The following ULK4 variants were observed in gnomAD, a reference collection of about 807,000 sequenced individuals.
ULK4 encodes unc-51 like kinase 4, also known as inactive serine/threonine-protein kinase ULK4.
ULK4 carries 133 observed loss-of-function variants against 160.6 expected under a neutral mutation model. That is an observed-to-expected ratio of 0.83 (90% CI 0.72 to 0.96). ULK4 has a LOEUF of 0.96. Among genes scored for constraint, ULK4 ranks in the 40% least tolerant of loss-of-function variants. ULK4 has a pLI of 0.00. For missense variants in ULK4, 1,580 were observed against 1,499.5 expected, an observed-to-expected ratio of 1.05 and a Z score of -0.89; for synonymous variants, 534 against 539.8, an observed-to-expected ratio of 0.99 and a Z score of 0.15.
At chr3:41,800,556 T>C (rs781537859) in intron 19 of ULK4, among the ~76,000 whole-genome samples, 1 of 152,180 alleles carries the variant, frequency 6.6e-6, no homozygotes, top group East Asian at 1.9e-4. Context: ...CACATGAAGG[T>C]TGCAGTGAGC....
intron 32 of ULK4, among the ~76,000 whole-genome samples, chr3:41,553,148 T>C (rs2087140396): frequency 6.6e-6 from 1 of 151,832 alleles, no homozygotes; most frequent in African/African-American, 2.4e-5. Flanking sequence ...ACCATAATAT[T>C]ACTAGAAAAA....
chr3:41,862,672 T>C (rs1390536052), intron 17 of ULK4, among the ~76,000 whole-genome samples: 1 of 152,184 alleles, frequency 6.6e-6, no homozygotes, highest in Non-Finnish European at 1.5e-5. Flanking sequence ...TTGATGGTCT[T>C]AGATGAGATC....
chr3:41,860,328 A>G (rs1411584630), intron 17 of ULK4, among the ~76,000 whole-genome samples: 1 of 152,060 alleles, frequency 6.6e-6, no homozygotes, highest in Non-Finnish European at 1.5e-5. Flanking sequence ...TGGGGTTTGA[A>G]GTCTCCAGCC....
intron 17 of ULK4, among the ~76,000 whole-genome samples, chr3:41,864,246 T>C (rs887748599): frequency 2.0e-4 from 30 of 152,130 alleles, no homozygotes; most frequent in Admixed American, 8.5e-4. Flanking sequence ...GTTCAGTGCC[T>C]CACAATTGCT....
At chr3:41,334,548 G>T (rs1259471657) in intron 35 of ULK4, among the ~76,000 whole-genome samples, 2 of 152,116 alleles carry the variant, frequency 1.3e-5, no homozygotes, top group African/African-American at 4.8e-5. Context: ...TATATAAAAA[G>T]TGAGCCACAG....
chr3:41,493,103 A>C lies in ULK4; in HGVS notation c.3227-29850T>G, dbSNP rs2084851803. Reference sequence around the variant, plus strand: ...CTAATAGACATCTACAGAACTCTCTACCCCAAATCAACAGAATATACATTT... The same window carrying C: ...CTAATAGACATCTACAGAACTCTCTCCCCCAAATCAACAGAATATACATTT... On this transcript the variant is annotated intron_variant, in intron 32 of 36. Coordinates refer to ENST00000301831, the MANE Select transcript of ULK4 (RefSeq NM_017886.4). Among the ~76,000 whole-genome samples the C allele has an allele frequency of 2.6e-5, 3 of 113,448 alleles. No homozygotes were observed. In the Admixed American group the frequency reaches 2.9e-4, roughly 11 times the overall value. The allele number at this position is 113,448 out of a possible 152,430, so 74.4% of individuals were successfully genotyped here. A position where few individuals can be genotyped will look rare whatever the true frequency, so the allele number is the denominator to read the frequency against.
chr3:41,824,278 G>C (rs572751878), intron 18 of ULK4, among the ~76,000 whole-genome samples: 1 of 152,008 alleles, frequency 6.6e-6, no homozygotes, highest in Non-Finnish European at 1.5e-5. Context: ...TCCAACTGAG[G>C]TACCAGGTTC....
intron 8 of ULK4, among the ~76,000 whole-genome samples, chr3:41,915,101 A>G (rs1377190993): frequency 6.6e-6 from 1 of 152,158 alleles, no homozygotes; most frequent in Non-Finnish European, 1.5e-5. Context: ...GCATACAGTT[A>G]TAAATGTAGG....
At chr3:41,954,915 G>A (rs1450658882) in intron 1 of ULK4, 108 bp from the exon 2 acceptor site, 4 of 681,060 alleles carry the variant, frequency 5.9e-6, no homozygotes, top group South Asian at 5.4e-5. Context: ...CTAGCAAATC[G>A]ACAAATTCAG....
At chr3:41,701,202 C>A (rs1006676099) in intron 27 of ULK4, among the ~76,000 whole-genome samples, 33 of 152,170 alleles carry the variant, frequency 2.2e-4, no homozygotes, top group African/African-American at 7.9e-4. Flanking sequence ...TGAAAAAGAA[C>A]AATCCACAGA....
intron 1 of ULK4, among the ~76,000 whole-genome samples, chr3:41,957,467 T>C (rs1440025319): frequency 2.9e-5 from 2 of 69,380 alleles, no homozygotes; most frequent in African/African-American, 3.6e-5. Flanking sequence ...AAAAAAAAAA[T>C]CAATCTTTCA....
At chr3:41,856,767 G>A (rs1054253641) in intron 17 of ULK4, among the ~76,000 whole-genome samples, 16 of 151,138 alleles carry the variant, frequency 1.1e-4, no homozygotes, top group Non-Finnish European at 1.9e-4. Flanking sequence ...TTAGCCAGGC[G>A]TAGTGGTGCA....
chr3:41,376,637 GAATAA>G (rs1291946237), intron 35 of ULK4, among the ~76,000 whole-genome samples: 1 of 139,106 alleles, frequency 7.2e-6, no homozygotes, highest in Non-Finnish European at 1.6e-5. Flanking sequence ...GCTTCAAAGA[GAATAA>G]AATACCTAGG....
intron 35 of ULK4, among the ~76,000 whole-genome samples, chr3:41,355,756 G>T (rs1413925589): frequency 1.3e-5 from 2 of 152,118 alleles, no homozygotes; most frequent in Non-Finnish European, 1.5e-5. Context: ...GATTAGACTT[G>T]TTATAAATTT....
At chr3:41,925,852 G>A (rs778987114) in intron 5 of ULK4, among the ~76,000 whole-genome samples, 3 of 152,136 alleles carry the variant, frequency 2.0e-5, no homozygotes, top group Non-Finnish European at 4.4e-5. Flanking sequence ...GCCCCAGTCA[G>A]GGGCTTATAT....
rs191206626 is a variant in ULK4 at position 41,449,669 on chromosome 3, C to T, written c.3492+5828G>A. Among the ~76,000 whole-genome samples the T allele has an allele frequency of 3.3e-5, 5 of 151,948 alleles. No individual in the cohort carries two copies. The East Asian group carries it at 9.7e-4, about 29-fold the overall frequency. ...AGAACAGGCAAGTACAAGTCCACCA[C>T]CATTTGAAAAGAAAAATCTGCTCAT... On this transcript the variant is annotated intron_variant, in intron 34 of 36. Coordinates refer to ENST00000301831, the MANE Select transcript of ULK4 (RefSeq NM_017886.4).
chr3:41,619,315 A>T (rs1194003367), intron 30 of ULK4, among the ~76,000 whole-genome samples: 2 of 152,166 alleles, frequency 1.3e-5, no homozygotes, highest in African/African-American at 4.8e-5. Flanking sequence ...AAATCAACAG[A>T]CTATACATTC....
At chr3:41,689,331 A>C (rs2036204855) in intron 27 of ULK4, among the ~76,000 whole-genome samples, 1 of 152,248 alleles carries the variant, frequency 6.6e-6, no homozygotes, top group Admixed American at 6.5e-5. Flanking sequence ...AAGACTCACA[A>C]ATTCTTGGTA....
chr3:41,678,061 C>G (rs571733262), intron 29 of ULK4, among the ~76,000 whole-genome samples: 1 of 152,078 alleles, frequency 6.6e-6, no homozygotes, highest in Non-Finnish European at 1.5e-5. Flanking sequence ...AGCTTTCAGA[C>G]AGCAACTACA....
Sources: allele counts gnomAD v4.1 joint callset (sites outside exome capture counted in the v4.1 genomes callset), GRCh38; gene constraint gnomAD v4.1.1; transcripts MANE v1.5; gene names NCBI Gene and HGNC (gene_info 2026-07-23, HGNC 2026-07-21).